HIP1: variants seen among roughly 807,000 people sequenced by gnomAD.
HIP1 encodes huntingtin-interacting protein 1.
A neutral mutation model predicts 147.6 loss-of-function variants in HIP1; 65 were observed. That is an observed-to-expected ratio of 0.44 (90% confidence interval 0.36 to 0.54). The LOEUF (loss-of-function observed/expected upper bound fraction) is 0.54. Ranked by LOEUF, HIP1 falls within the 20% of genes least tolerant of loss-of-function variation. HIP1 has a pLI of 0.00. For missense variants in HIP1, 1,061 were observed against 1,299.6 expected (o/e 0.82, Z 2.82); for synonymous variants, 479 against 504.0 (o/e 0.95, Z 0.67).
chr7:75,734,103 G>A (rs1409360365), intron 1 of HIP1, among the ~76,000 whole-genome samples: 12 of 151,738 alleles, frequency 7.9e-5, no homozygotes, highest in East Asian at 1.9e-4. Flanking sequence ...AAAATTAGCC[G>A]GGCGTGGTGG....
rs587657508 is a variant in HIP1, at chr7:75,591,630, A to G, written c.384+426T>C. ...CTGGGCACAGTGGCTCATGTGTGTGATCCCAGCACTTTGGGAGGCTGAGGT... is the reference window on the plus strand; with the variant it reads ...CTGGGCACAGTGGCTCATGTGTGTGGTCCCAGCACTTTGGGAGGCTGAGGT... On this transcript the variant is annotated intron_variant, in intron 4 of 30. Transcript: ENST00000336926. Among the ~76,000 whole-genome samples the G allele has an allele frequency of 3.3e-5, 5 of 151,414 alleles. No individual in the cohort carries two copies. The East Asian group carries it at 9.8e-4, about 30-fold the overall frequency.
rs1377020642 is a variant in HIP1, at chr7:75,547,763, C to A, written c.2457G>T (p.Val819=). The part of the protein sequence containing the change: ...RAGDTGVKLE[V]NERILGCCTS... ...ATGCCGCTCAGACCGACCTTTCATT[C>A]ACCTCCAATTTGACTCCTGTGTCTC... The change falls in exon 24 of 31, where the codon GTG becomes GTT. Residue 819 remains valine (V), a synonymous_variant. Coordinates refer to ENST00000336926, the MANE Select transcript of HIP1 (RefSeq NM_005338.7). The A allele has an allele frequency of 6.2e-7, 1 of 1,613,816 alleles. No individual in the cohort carries two copies. The highest frequency in any genetic ancestry group is 1.7e-5 in the Admixed American group (1 of 60,006).
intron 1 of HIP1, among the ~76,000 whole-genome samples, chr7:75,662,876 G>A (rs1319885372): frequency 6.6e-6 from 1 of 152,130 alleles, no homozygotes; most frequent in Non-Finnish European, 1.5e-5. Flanking sequence ...GAAAGAGAAT[G>A]GGGACAGGGA....
At chr7:75,638,448 G>A (rs1211571573) in intron 1 of HIP1, among the ~76,000 whole-genome samples, 4 of 152,144 alleles carry the variant, frequency 2.6e-5, no homozygotes, top group African/African-American at 9.7e-5. Context: ...CATTTCTAAA[G>A]GAAAGGCGGA....
At chr7:75,670,802 G>T (rs55658290) in intron 1 of HIP1, among the ~76,000 whole-genome samples, 71,613 of 129,092 alleles carry the variant, frequency 0.55, 19,964 homozygotes, top group African/African-American at 0.65. Context: ...TTTTTTTTTT[G>T]GTAGAGATAG....
intron 1 of HIP1, among the ~76,000 whole-genome samples, chr7:75,669,103 C>T (rs993377283): frequency 1.3e-5 from 2 of 151,856 alleles, no homozygotes; most frequent in Non-Finnish European, 1.5e-5. Flanking sequence ...TGGTGGCTCA[C>T]GCCTGTAATC....
At chr7:75,648,571 G>A (rs1168349050) in intron 1 of HIP1, among the ~76,000 whole-genome samples, 1 of 152,118 alleles carries the variant, frequency 6.6e-6, no homozygotes, top group African/African-American at 2.4e-5. Context: ...TTCAAGCACG[G>A]CTGAGCCATA....
rs1185967693 is a variant in HIP1 at position 75,545,325 on chromosome 7, AAAG to A, written c.2560-140_2560-138del. 6 of 649,724 alleles carry A rather than the reference AAAG, an allele frequency of 9.2e-6. No homozygotes were observed. The East Asian group carries it at 1.1e-4, about 12-fold the overall frequency. The allele number at this position is 649,724 out of a possible 1,614,324, so 40.2% of individuals were successfully genotyped here. A position where few individuals can be genotyped will look rare whatever the true frequency, so the allele number is the denominator to read the frequency against. On this transcript the variant is annotated intron_variant, in intron 25 of 30. Coordinates refer to ENST00000336926, the MANE Select transcript of HIP1 (RefSeq NM_005338.7). ...AGCATTAGTATTCCCATTTTACAAAAAAGAAGAAGATTCAGAGACCAAAATGGC... is the reference window on the plus strand; with the variant it reads ...AGCATTAGTATTCCCATTTTACAAAAAAGAAGATTCAGAGACCAAAATGGC...
intron 7 of HIP1, among the ~76,000 whole-genome samples, chr7:75,576,196 G>A (rs1554497662): frequency 6.6e-6 from 1 of 152,178 alleles, no homozygotes; most frequent in East Asian, 1.9e-4. Context: ...GAGCACATGT[G>A]GCTATAACAG....
chr7:75,601,924 A>G (rs979464038), intron 1 of HIP1, among the ~76,000 whole-genome samples: 1 of 149,448 alleles, frequency 6.7e-6, no homozygotes, highest in Admixed American at 6.8e-5. Context: ...GAACTTTTCT[A>G]TAATGAAAGG....
chr7:75,561,265 A>C (rs1210058760), intron 13 of HIP1, 64 bp downstream of exon 13: 3 of 1,192,048 alleles, frequency 2.5e-6, no homozygotes, highest in Admixed American at 3.4e-5. Flanking sequence ...GTGTGATGCA[A>C]ATTTAACATT....
intron 30 of HIP1, 101 bp downstream of exon 30, chr7:75,539,222 T>C (rs1357968971): frequency 3.9e-6 from 3 of 763,934 alleles, no homozygotes; most frequent in East Asian, 2.5e-5. Context: ...AAGCCACCGA[T>C]CTGGTGGGTT....
chr7:75,538,333 C>T, intron 30 of HIP1, 109 bp from the exon 31 acceptor site: 1 of 851,932 alleles, frequency 1.2e-6, no homozygotes, highest in South Asian at 1.4e-5. Context: ...TAATTATAAC[C>T]ATGGTGTAAT....
At position 75,556,034 on chromosome 7, in the gene HIP1, T is replaced by C; in HGVS notation, c.1819A>G (p.Ser607Gly). ...CCATGTCCGTGACTTGCCTCTGTGC[T>C]GGCCAGTTTGAGCTGAGTGTCCTGC... ...ELQDTQLKLA[S>G]TEESMCQLAK... is the part of the protein sequence containing the mutation. The change falls in exon 18 of 31, where the codon AGC (serine) becomes GGC (glycine). Residue 607 changes from serine to glycine, a missense_variant. By Grantham distance (56) the Ser-to-Gly change is moderately conservative. Coordinates refer to ENST00000336926, the MANE Select transcript of HIP1 (RefSeq NM_005338.7). The C allele has an allele frequency of 1.2e-6, 2 of 1,614,160 alleles. No homozygotes were observed. The highest frequency in any genetic ancestry group is 1.1e-5 in the South Asian group (1 of 91,088).
chr7:75,559,631 G>A (rs1554494089), intron 14 of HIP1, 101 bp downstream of exon 14: 1 of 946,578 alleles, frequency 1.1e-6, no homozygotes, highest in Non-Finnish European at 1.5e-6. Flanking sequence ...AGACAGTCTG[G>A]GTCTCCCCCA....
chr7:75,672,177 A>T (rs1177025935), intron 1 of HIP1, among the ~76,000 whole-genome samples: 3 of 152,198 alleles, frequency 2.0e-5, no homozygotes, highest in African/African-American at 7.2e-5. Flanking sequence ...CTTTGAAGAA[A>T]TGTCTATTCA....
intron 1 of HIP1, among the ~76,000 whole-genome samples, chr7:75,664,598 A>G (rs200394628): frequency 0.014 from 1,410 of 102,710 alleles, 29 homozygotes; most frequent in African/African-American, 0.034. Flanking sequence ...ATGTATAGGG[A>G]GAGAGAGAGA....
intron 1 of HIP1, among the ~76,000 whole-genome samples, chr7:75,674,170 T>C (rs1223579479): frequency 2.6e-5 from 4 of 152,180 alleles, no homozygotes; most frequent in Non-Finnish European, 5.9e-5. Context: ...ATGTGTGCCT[T>C]TTACTTATTT....
In HIP1 at chr7:75,663,995, CACAT is replaced by C. The variant is rs1799415890; in HGVS notation, c.121-64752_121-64749del. Among the ~76,000 whole-genome samples the C allele has an allele frequency of 1.2e-4, 3 of 24,712 alleles. 1 individual carries two copies. The highest frequency in any genetic ancestry group is 2.1e-4 in the Non-Finnish European group (3 of 14,532). 16.2% of individuals were successfully genotyped at this position (24,712 alleles called of 152,430 possible). A position where few individuals can be genotyped will look rare whatever the true frequency, so the allele number is the denominator to read the frequency against. On this transcript the variant is annotated intron_variant, in intron 1 of 30. Coordinates refer to ENST00000336926, the MANE Select transcript of HIP1 (RefSeq NM_005338.7). ...ATACACATATATGTGTATATATATA[CACAT>C]ATATGTGTATATATATACACATATA... is the stretch of plus-strand genomic sequence containing the variant.
Sources: gnomAD v4.1 joint callset for allele counts (sites outside exome capture counted in the v4.1 genomes callset) on GRCh38, gnomAD v4.1.1 for gene constraint, MANE v1.5 for transcripts, NCBI Gene and HGNC (gene_info 2026-07-23, HGNC 2026-07-21) for gene names.